Variants in SLC39A14 observed in about 807,000 individuals in gnomAD.
SLC39A14 encodes metal cation symporter ZIP14.
In SLC39A14, 19 loss-of-function variants were observed where a neutral mutation model predicts 45.5. That is an observed-to-expected ratio of 0.42 (90% CI 0.29 to 0.61). The LOEUF (loss-of-function observed/expected upper bound fraction) is 0.61. Among genes scored for constraint, SLC39A14 ranks in the 20% least tolerant of loss-of-function variants. The pLI, the probability that SLC39A14 is intolerant of heterozygous loss-of-function variation, is 0.22. For synonymous variants in SLC39A14, 264 were observed against 251.3 expected (o/e 1.05, Z -0.48); for missense variants, 447 against 616.5 (o/e 0.73, Z 2.91).
chr8:22,405,581 G>C (rs187039523), intron 2 of SLC39A14, among the ~76,000 whole-genome samples: 1 of 152,186 alleles, frequency 6.6e-6, no homozygotes, highest in Admixed American at 6.5e-5. Flanking sequence ...CCTCAGCGCC[G>C]CACTTGAGTC....
rs538095438 is a variant in SLC39A14, at chr8:22,432,175, G to A, written c.1333-1716G>A. Among the ~76,000 whole-genome samples, 28 of 151,866 alleles carry A rather than the reference G, an allele frequency of 1.8e-4. No homozygotes were observed. In the South Asian group the frequency reaches 5.8e-3, roughly 32 times the overall value. ...GGAAGACCCCCCATCTCTAAAAAAAGAAAAAAATAGCTGGACATGGCAGTG... is the reference window on the plus strand; with the variant it reads ...GGAAGACCCCCCATCTCTAAAAAAAAAAAAAAATAGCTGGACATGGCAGTG... On this transcript the variant is annotated intron_variant, in intron 8 of 8. Transcript: ENST00000240095.
In SLC39A14 at chr8:22,431,757, A is replaced by C. The variant is rs1350672853; in HGVS notation, c.1333-2134A>C. 2.0e-5 allele frequency among the ~76,000 whole-genome samples: 3 copies of C among 152,360 alleles called. No individual in the cohort carries two copies. In the East Asian group the frequency reaches 5.8e-4, roughly 29 times the overall value. On this transcript the variant is annotated intron_variant, in intron 8 of 8. Coordinates refer to the SLC39A14 transcript ENST00000240095. The stretch of plus-strand genomic sequence containing the variant: ...AAAGTGGGGGGATACAAAATTCACC[A>C]AGTGGACATCTGGCCAGGTGGAGAG...
At chr8:22,407,255 C>G (rs1362426155) in intron 2 of SLC39A14, among the ~76,000 whole-genome samples, 1 of 152,226 alleles carries the variant, frequency 6.6e-6, no homozygotes, top group Non-Finnish European at 1.5e-5. Context: ...AGAGAAGTAG[C>G]TGGAACCCGC....
intron 8 of SLC39A14, among the ~76,000 whole-genome samples, chr8:22,431,600 T>C (rs565142670): frequency 6.6e-6 from 1 of 152,282 alleles, no homozygotes; most frequent in African/African-American, 2.4e-5. Flanking sequence ...CATGAGGAAA[T>C]ACACCAAAGC....
Position 22,384,679 on chromosome 8 carries a change from G to A in SLC39A14, c.-16+17271G>A, listed in dbSNP as rs1363129393. Among the ~76,000 whole-genome samples the A allele has an allele frequency of 5.9e-5, 9 of 151,738 alleles. No homozygotes were observed. In the East Asian group the frequency reaches 9.7e-4, roughly 16 times the overall value. Reference sequence around the variant, plus strand: ...GAAGGATCGCCTGAACCTGGGAGGCGGAGGTTGCAGTGAGCCGAGATTGTA... The same window carrying A: ...GAAGGATCGCCTGAACCTGGGAGGCAGAGGTTGCAGTGAGCCGAGATTGTA... On this transcript the variant is annotated intron_variant, in intron 1 of 8. Transcript: ENST00000381237.
At position 22,412,173 on chromosome 8, in the gene SLC39A14, C is replaced by G; in HGVS notation, c.594C>G (p.Leu198=). The G allele has an allele frequency of 6.4e-7, 1 of 1,551,754 alleles. No individual in the cohort carries two copies. Among genetic ancestry groups the G allele is most frequent in the Non-Finnish European group, 8.7e-7 (1 of 1,146,998 alleles). ...TCATAGCTCTGGCGATTGGAACCCT[C>G]TACTCCAACGCCCTCTTCCAGCTCA... ...LYFIALAIGT[L]YSNALFQLIP... Residue 198 remains leucine, a synonymous_variant, in exon 4 of 9, where the codon CTC becomes CTG. Transcript: ENST00000381237.
At chr8:22,427,453 G>A (rs1281263817), downstream of SLC39A14, among the ~76,000 whole-genome samples, 7 of 151,838 alleles carry the variant, frequency 4.6e-5, no homozygotes, top group Non-Finnish European at 1.5e-5. Context: ...ATTCAATAAA[G>A]GGAATCATTT....
At chr8:22,378,331 G>A (rs74969056) in intron 1 of SLC39A14, among the ~76,000 whole-genome samples, 2,124 of 152,300 alleles carry the variant, frequency 0.014, 33 homozygotes, top group East Asian at 0.071. Flanking sequence ...AGAAGGCTGA[G>A]CATTGCATGA....
intron 8 of SLC39A14, among the ~76,000 whole-genome samples, chr8:22,430,167 C>G (rs571324922): frequency 6.6e-6 from 1 of 152,128 alleles, no homozygotes; most frequent in African/African-American, 2.4e-5. Context: ...GAGATGGGGT[C>G]AGAGGTCACT....
At chr8:22,370,282 C>G (rs571016297) in intron 1 of SLC39A14, among the ~76,000 whole-genome samples, 1 of 152,312 alleles carries the variant, frequency 6.6e-6, no homozygotes, top group East Asian at 1.9e-4. Flanking sequence ...ACACCCTGCA[C>G]TATTCCAAGA....
intron 3 of SLC39A14, 141 bp downstream of exon 3, chr8:22,408,637 A>T: frequency 4.0e-6 from 3 of 758,942 alleles, no homozygotes; most frequent in Non-Finnish European, 2.1e-6. Flanking sequence ...CAGGAGCGGG[A>T]GCGATGATTG....
At chr8:22,372,445 A>G (rs1832987497) in intron 1 of SLC39A14, among the ~76,000 whole-genome samples, 1 of 152,184 alleles carries the variant, frequency 6.6e-6, no homozygotes, top group East Asian at 1.9e-4. Flanking sequence ...GTAGTATTGC[A>G]TAGTATGGAA....
chr8:22,429,038 C>T (rs1032464082), intron 8 of SLC39A14, among the ~76,000 whole-genome samples: 1 of 151,776 alleles, frequency 6.6e-6, no homozygotes, highest in Admixed American at 6.6e-5. Flanking sequence ...TTTGGGAGGC[C>T]GAGGCGGGTG....
chr8:22,422,174 C>G lies in SLC39A14; in HGVS notation c.*2476C>G. ...AGGACTTTTTCACCCCTGGCATTAG[C>G]AGCTTCGACCTCATTTTCCAGATGC... On this transcript the variant is annotated 3_prime_UTR_variant, in exon 9 of 9. Coordinates refer to ENST00000381237, the MANE Select transcript of SLC39A14 (RefSeq NM_001128431.4). 1 of 985,418 alleles carries G rather than the reference C, an allele frequency of 1.0e-6. No individual in the cohort carries two copies. The highest frequency in any genetic ancestry group is 1.2e-6 in the Non-Finnish European group (1 of 829,908). The allele number at this position is 985,418 out of a possible 1,614,324, so 61.0% of individuals were successfully genotyped here. A position where few individuals can be genotyped will look rare whatever the true frequency, so the allele number is the denominator to read the frequency against.
intron 8 of SLC39A14, among the ~76,000 whole-genome samples, chr8:22,433,037 C>T (rs1223297712): frequency 1.3e-5 from 2 of 152,072 alleles, no homozygotes; most frequent in African/African-American, 4.8e-5. Flanking sequence ...CTCCTGGGCT[C>T]AAGCGATCCT....
intron 1 of SLC39A14, among the ~76,000 whole-genome samples, chr8:22,374,763 T>TTTTA (rs1833121640): frequency 1.6e-5 from 2 of 127,420 alleles, no homozygotes; most frequent in African/African-American, 7.0e-5. Context: ...TTTTTTTTTT[T>TTTTA]GAGACAGGGT....
At chr8:22,369,518 GC>G (rs1832819121) in intron 1 of SLC39A14, among the ~76,000 whole-genome samples, 1 of 152,194 alleles carries the variant, frequency 6.6e-6, no homozygotes, top group Non-Finnish European at 1.5e-5. Context: ...AGAAGGCCTG[GC>G]CCCCACCCTT....
intron 1 of SLC39A14, among the ~76,000 whole-genome samples, chr8:22,369,542 C>G (rs1832820343): frequency 1.3e-5 from 2 of 152,176 alleles, no homozygotes; most frequent in Non-Finnish European, 2.9e-5. Context: ...AGTGCAAACT[C>G]TTGGGGAGAA....
chr8:22,407,568 C>G (rs528487748), intron 2 of SLC39A14, among the ~76,000 whole-genome samples: 31 of 152,136 alleles, frequency 2.0e-4, no homozygotes, highest in Admixed American at 1.7e-3. Context: ...AACATGTTGG[C>G]CAGGCTGGTT....
Sources: allele counts gnomAD v4.1 joint callset (sites outside exome capture counted in the v4.1 genomes callset), GRCh38; gene constraint gnomAD v4.1.1; transcripts MANE v1.5; gene names NCBI Gene and HGNC (gene_info 2026-07-23, HGNC 2026-07-21).